The following SPOCK1 variants were observed in gnomAD, a reference collection of about 807,000 sequenced individuals.
SPOCK1 encodes the protein SPARC (osteonectin), cwcv and kazal like domains proteoglycan 1, also known as testican-1.
In SPOCK1, 23 loss-of-function variants were observed where a neutral mutation model predicts 55.3. The observed-to-expected ratio is 0.42, with a 90% CI of 0.30 to 0.59. SPOCK1 has a LOEUF of 0.59. Ranked by LOEUF, SPOCK1 falls within the 20% of genes least tolerant of loss-of-function variation. The pLI is 0.22. For missense variants in SPOCK1, 499 were observed against 552.5 expected, an observed-to-expected ratio of 0.90 and a Z score of 0.97; for synonymous variants, 226 against 221.0, an observed-to-expected ratio of 1.02 and a Z score of -0.20.
intron 8 of SPOCK1, among the ~76,000 whole-genome samples, chr5:136,987,664 A>ATACTT (rs1221271708): frequency 1.3e-5 from 2 of 152,272 alleles, no homozygotes; most frequent in Non-Finnish European, 2.9e-5. Context: ...CATAACTTAA[A>ATACTT]TACTTTCATA....
chr5:136,990,101 A>G (rs1423967159), intron 7 of SPOCK1, among the ~76,000 whole-genome samples: 3 of 151,976 alleles, frequency 2.0e-5, no homozygotes, highest in African/African-American at 7.3e-5. Context: ...TAGTAGAGAC[A>G]GGGTTTCACC....
chr5:137,212,267 A>T (rs926720723), intron 3 of SPOCK1, among the ~76,000 whole-genome samples: 72 of 152,170 alleles, frequency 4.7e-4, no homozygotes, highest in East Asian at 9.7e-4. Context: ...ACTAAAGGTG[A>T]GTTATTCTGT....
chr5:137,085,147 A>C (rs1454605273), intron 5 of SPOCK1, among the ~76,000 whole-genome samples: 1 of 152,128 alleles, frequency 6.6e-6, no homozygotes, highest in African/African-American at 2.4e-5. Context: ...GTGGCAAGGC[A>C]CCTCAGGGTC....
chr5:137,163,758 C>G (rs937243616), intron 3 of SPOCK1, among the ~76,000 whole-genome samples: 3 of 152,140 alleles, frequency 2.0e-5, no homozygotes, highest in African/African-American at 7.2e-5. Flanking sequence ...ATTTTCTAAG[C>G]TTTTGGAGCT....
At chr5:137,389,068 G>T (rs1016899388) in intron 2 of SPOCK1, among the ~76,000 whole-genome samples, 8 of 152,198 alleles carry the variant, frequency 5.3e-5, no homozygotes, top group African/African-American at 1.9e-4. Flanking sequence ...AAAGCACACT[G>T]CCACACACTT....
chr5:137,451,898 C>G (rs1326284204), intron 2 of SPOCK1, among the ~76,000 whole-genome samples: 1 of 151,904 alleles, frequency 6.6e-6, no homozygotes, highest in African/African-American at 2.4e-5. Flanking sequence ...AATTTTAGAC[C>G]CTAAAGGTTG....
intron 2 of SPOCK1, among the ~76,000 whole-genome samples, chr5:137,461,100 A>T (rs1427178256): frequency 6.6e-6 from 1 of 152,206 alleles, no homozygotes; most frequent in Non-Finnish European, 1.5e-5. Context: ...AAAACCCAGG[A>T]GAGCGGGGAC....
intron 6 of SPOCK1, among the ~76,000 whole-genome samples, chr5:137,035,336 T>C (rs750539535): frequency 5.9e-5 from 9 of 152,140 alleles, no homozygotes; most frequent in Admixed American, 2.6e-4. Flanking sequence ...CTGGGGAAGA[T>C]ACAGGGTCTT....
intron 2 of SPOCK1, among the ~76,000 whole-genome samples, chr5:137,464,828 C>A (rs1455235676): frequency 6.6e-6 from 1 of 151,982 alleles, no homozygotes; most frequent in Non-Finnish European, 1.5e-5. Flanking sequence ...ACTGGAGACA[C>A]GTATTGGAGT....
rs557832000 is a variant in SPOCK1, at chr5:137,347,452, G to A, written c.187-80397C>T. Among the ~76,000 whole-genome samples the A allele has an allele frequency of 8.5e-5, 13 of 152,250 alleles. No homozygotes were observed. The East Asian group carries it at 1.4e-3, about 16-fold the overall frequency. On this transcript the variant is annotated intron_variant, in intron 2 of 10. Coordinates refer to ENST00000394945, the MANE Select transcript of SPOCK1 (RefSeq NM_004598.4). Reference sequence around the variant, plus strand: ...ATCAACTAAAACAGCCTCTTAGGCCGGACATGGTGGCTCATGCCTGTAATC... The same window carrying A: ...ATCAACTAAAACAGCCTCTTAGGCCAGACATGGTGGCTCATGCCTGTAATC...
At chr5:137,040,707 T>C (rs1480579264) in intron 6 of SPOCK1, among the ~76,000 whole-genome samples, 2 of 152,232 alleles carry the variant, frequency 1.3e-5, no homozygotes, top group African/African-American at 2.4e-5. Flanking sequence ...TTTTTGTTGT[T>C]GTTGTTAAAA....
intron 4 of SPOCK1, 120 bp downstream of exon 4, chr5:137,140,460 A>C (rs1165630008): frequency 2.8e-6 from 2 of 717,890 alleles, no homozygotes; most frequent in Non-Finnish European, 4.5e-6. Context: ...CACCATACAA[A>C]TGGCGACCCT....
intron 2 of SPOCK1, among the ~76,000 whole-genome samples, chr5:137,397,204 C>T (rs938361340): frequency 6.6e-6 from 1 of 152,138 alleles, no homozygotes; most frequent in African/African-American, 2.4e-5. Context: ...CAGGGAGCTC[C>T]ATGGATGACC....
At chr5:137,336,575 G>C (rs1411287094) in intron 2 of SPOCK1, among the ~76,000 whole-genome samples, 1 of 152,198 alleles carries the variant, frequency 6.6e-6, no homozygotes, top group East Asian at 1.9e-4. Context: ...AGAGAACAGA[G>C]AGAGAAGAGG....
chr5:137,155,880 A>C (rs4976342), intron 3 of SPOCK1, among the ~76,000 whole-genome samples: 1 of 152,176 alleles, frequency 6.6e-6, no homozygotes, highest in African/African-American at 2.4e-5. Flanking sequence ...GGGCAGACCC[A>C]CTGGGCGGCC....
At chr5:137,363,053 A>G (rs1750984552) in intron 2 of SPOCK1, among the ~76,000 whole-genome samples, 1 of 152,192 alleles carries the variant, frequency 6.6e-6, no homozygotes, top group African/African-American at 2.4e-5. Context: ...GACAGTAATC[A>G]ATCCTCCTTC....
chr5:137,118,498 C>T (rs376601969), intron 4 of SPOCK1, among the ~76,000 whole-genome samples: 39 of 152,324 alleles, frequency 2.6e-4, no homozygotes, highest in Middle Eastern at 3.4e-3. Flanking sequence ...GTGACCTCCC[C>T]CACAGGGGAC....
chr5:137,382,015 A>G (rs1751482405), intron 2 of SPOCK1, among the ~76,000 whole-genome samples: 1 of 152,196 alleles, frequency 6.6e-6, no homozygotes, highest in African/African-American at 2.4e-5. Context: ...CACACATACG[A>G]GCATATACAT....
At chr5:137,476,454 A>G (rs559327253) in intron 2 of SPOCK1, among the ~76,000 whole-genome samples, 11 of 152,304 alleles carry the variant, frequency 7.2e-5, no homozygotes, top group Non-Finnish European at 1.5e-4. Context: ...GAGAAAAGTG[A>G]ATATCTAGAA....
Sources: gnomAD v4.1 joint callset for allele counts (sites outside exome capture counted in the v4.1 genomes callset) on GRCh38, gnomAD v4.1.1 for gene constraint, MANE v1.5 for transcripts, NCBI Gene and HGNC (gene_info 2026-07-23, HGNC 2026-07-21) for gene names.